The following TFEC variants were observed in gnomAD, a reference collection of about 807,000 sequenced individuals.
TFEC encodes class E basic helix-loop-helix protein 34.
Under a neutral mutation model 41.6 loss-of-function variants are expected in TFEC, and 31 were observed. The ratio of observed to expected loss-of-function variants is 0.74; its 90% CI spans 0.56 to 1.01. The LOEUF (loss-of-function observed/expected upper bound fraction) is 1.01. Among genes scored for constraint, TFEC ranks in the 50% least tolerant of loss-of-function variants. TFEC has a pLI of 0.00. For missense variants in TFEC, 402 were observed against 404.1 expected (o/e 0.99, Z 0.04); for synonymous variants, 143 against 140.6 (o/e 1.02, Z -0.12).
chr7:116,088,380 A>G (rs1022336610), intron 3 of TFEC, among the ~76,000 whole-genome samples: 23 of 152,108 alleles, frequency 1.5e-4, no homozygotes, highest in Non-Finnish European at 2.1e-4. Context: ...CGTCTCTAAA[A>G]CTGAGTACAT....
intron 1 of TFEC, among the ~76,000 whole-genome samples, chr7:115,996,823 G>C (rs779378786): frequency 1.3e-5 from 2 of 152,144 alleles, no homozygotes; most frequent in Non-Finnish European, 2.9e-5. Flanking sequence ...GCCTGGGGCA[G>C]TAATAGCTTT....
intron 3 of TFEC, among the ~76,000 whole-genome samples, chr7:116,110,314 G>A (rs989957629): frequency 3.9e-5 from 6 of 151,994 alleles, no homozygotes; most frequent in Admixed American, 3.3e-4. Flanking sequence ...TCTCTCTATT[G>A]ATAATCTTCA....
chr7:116,090,754 G>A (rs746566689), intron 3 of TFEC, among the ~76,000 whole-genome samples: 3 of 151,978 alleles, frequency 2.0e-5, no homozygotes, highest in Non-Finnish European at 2.9e-5. Flanking sequence ...TACTTTGCAC[G>A]TGCTCAAAAA....
chr7:116,125,900 C>G (rs1278809625), intron 1 of TFEC, among the ~76,000 whole-genome samples: 2 of 152,130 alleles, frequency 1.3e-5, no homozygotes, highest in African/African-American at 4.8e-5. Context: ...TGCAAACCAT[C>G]AAGAGCCAGT....
chr7:116,136,572 T>C (rs895375794), intron 1 of TFEC, among the ~76,000 whole-genome samples: 2 of 151,936 alleles, frequency 1.3e-5, no homozygotes, highest in Non-Finnish European at 2.9e-5. Context: ...AACATTTCAC[T>C]ATTAATAAAT....
intron 4 of TFEC, among the ~76,000 whole-genome samples, chr7:115,955,352 G>C (rs1438898594): frequency 6.6e-6 from 1 of 152,038 alleles, no homozygotes; most frequent in Non-Finnish European, 1.5e-5. Context: ...TAGATAATAG[G>C]AGAAATTTTT....
chr7:115,961,895 T>C (rs977909821), intron 3 of TFEC, among the ~76,000 whole-genome samples: 2 of 151,472 alleles, frequency 1.3e-5, no homozygotes, highest in South Asian at 2.1e-4. Flanking sequence ...GTTGACACGA[T>C]CTCATATTAA....
At chr7:116,113,472 C>G (rs979717501) in intron 1 of TFEC, among the ~76,000 whole-genome samples, 3 of 151,938 alleles carry the variant, frequency 2.0e-5, no homozygotes, top group Non-Finnish European at 2.9e-5. Flanking sequence ...TTTGAGAATT[C>G]TGGCCTCCAG....
chr7:116,141,421 G>C (rs1479924016), intron 1 of TFEC, among the ~76,000 whole-genome samples: 1 of 152,074 alleles, frequency 6.6e-6, no homozygotes, highest in East Asian at 1.9e-4. Flanking sequence ...ACAAACTATG[G>C]AACTACTCAA....
chr7:115,956,345 A>G (rs1792224665), intron 4 of TFEC, among the ~76,000 whole-genome samples: 2 of 149,804 alleles, frequency 1.3e-5, no homozygotes, highest in Non-Finnish European at 3.0e-5. Context: ...ATGTTAATAA[A>G]TGGCATCTAT....
intron 3 of TFEC, among the ~76,000 whole-genome samples, chr7:115,958,168 T>A (rs1206328591): frequency 2.0e-5 from 3 of 151,844 alleles, no homozygotes; most frequent in East Asian, 1.9e-4. Context: ...CCTATTGGAG[T>A]CATCAGCTAT....
At chr7:116,054,718 A>T (rs749814106) in intron 3 of TFEC, among the ~76,000 whole-genome samples, 1 of 152,172 alleles carries the variant, frequency 6.6e-6, no homozygotes, top group Non-Finnish European at 1.5e-5. Flanking sequence ...CCAAAAAATT[A>T]TTTGTTGTTC....
intron 1 of TFEC, among the ~76,000 whole-genome samples, chr7:116,154,153 C>T (rs991770370): frequency 7.9e-5 from 12 of 152,186 alleles, no homozygotes; most frequent in Non-Finnish European, 1.8e-4. Flanking sequence ...TCAAATGATG[C>T]TAGTCTTCCT....
chr7:116,152,732 G>T (rs1798786363), intron 1 of TFEC, among the ~76,000 whole-genome samples: 1 of 152,130 alleles, frequency 6.6e-6, no homozygotes, highest in Non-Finnish European at 1.5e-5. Flanking sequence ...AAGTAGTTGT[G>T]AAAGGATAAA....
chr7:116,004,785 T>A (rs1348263864), intron 1 of TFEC, among the ~76,000 whole-genome samples: 2 of 151,400 alleles, frequency 1.3e-5, no homozygotes, highest in Non-Finnish European at 2.9e-5. Context: ...CATCTCCTGG[T>A]TGGAAAAAAA....
intron 1 of TFEC, among the ~76,000 whole-genome samples, chr7:116,129,910 C>CCTATCACCATAAACTTT (rs1009672311): frequency 2.6e-5 from 4 of 151,940 alleles, no homozygotes; most frequent in African/African-American, 9.7e-5. Context: ...GTGGTGGCTT[C>CCTATCACCATAAACTTT]CTATCACCAT....
rs1380576350 is a variant in TFEC at position 115,941,723 on chromosome 7, T to A, written c.663+170A>T. 4 of 759,660 alleles carry A rather than the reference T, an allele frequency of 5.3e-6. No homozygotes were observed. In the African/African-American group the frequency reaches 7.1e-5, roughly 13 times the overall value. 47.1% of individuals were successfully genotyped at this position (759,660 alleles called of 1,614,324 possible). A position where few individuals can be genotyped will look rare whatever the true frequency, so the allele number is the denominator to read the frequency against. ...TCTTGATCCTGGATTTCTAGTCAAATCCTAATTGAAACAACCCAATTCACG... is the reference window on the plus strand; with the variant it reads ...TCTTGATCCTGGATTTCTAGTCAAAACCTAATTGAAACAACCCAATTCACG... On this transcript the variant is annotated intron_variant, in intron 7 of 7. Transcript: ENST00000265440.
intron 3 of TFEC, among the ~76,000 whole-genome samples, chr7:116,102,105 T>C (rs562860829): frequency 3.3e-5 from 5 of 152,308 alleles, no homozygotes; most frequent in African/African-American, 1.2e-4. Flanking sequence ...AGGATACAAG[T>C]TTCTCATGGA....
intron 1 of TFEC, among the ~76,000 whole-genome samples, chr7:116,129,519 A>G (rs1798285843): frequency 6.6e-6 from 1 of 151,930 alleles, no homozygotes; most frequent in South Asian, 2.1e-4. Context: ...GTAAAGGAGC[A>G]AAATCTAGAA....
Sources: gnomAD v4.1 joint callset for allele counts (sites outside exome capture counted in the v4.1 genomes callset) on GRCh38, gnomAD v4.1.1 for gene constraint, MANE v1.5 for transcripts, NCBI Gene and HGNC (gene_info 2026-07-23, HGNC 2026-07-21) for gene names.